Variants in CYB5A observed in about 807,000 individuals in gnomAD.
CYB5A encodes cytochrome b5.
Under a neutral mutation model 16.2 loss-of-function variants are expected in CYB5A, and 10 were observed. That is an observed-to-expected ratio of 0.62 (90% CI 0.38 to 1.04). The LOEUF (loss-of-function observed/expected upper bound fraction) is 1.04, where lower values mean the gene tolerates loss of function less well. Ranked by LOEUF, CYB5A falls within the 50% of genes least tolerant of loss-of-function variation. The probability of loss-of-function intolerance (pLI) is 0.01; values close to 1 mark genes in which losing one functional copy is unlikely to be tolerated. For missense variants in CYB5A, 161 were observed against 165.9 expected, an observed-to-expected ratio of 0.97 and a Z score of 0.16; for synonymous variants, 62 against 57.0, an observed-to-expected ratio of 1.09 and a Z score of -0.40.
In CYB5A at chr18:74,284,650, T is replaced by A. The variant is rs1426608729; in HGVS notation, c.129+7097A>T. On this transcript the variant is annotated intron_variant, in intron 1 of 4. Coordinates refer to ENST00000340533, the MANE Select transcript of CYB5A (RefSeq NM_148923.4). ...ACAGAAGAGTTCAAGTGATTCCATT[T>A]CAGACAGGCTCCCGTGCCCACCAGC... Among the ~76,000 whole-genome samples the A allele has an allele frequency of 3.3e-5, 5 of 152,154 alleles. No homozygotes were observed. In the East Asian group the frequency reaches 7.7e-4, roughly 23 times the overall value.
chr18:74,274,342 T>C (rs1318835736), intron 1 of CYB5A, among the ~76,000 whole-genome samples: 1 of 152,202 alleles, frequency 6.6e-6, no homozygotes, highest in Non-Finnish European at 1.5e-5. Flanking sequence ...TTCCACAGTA[T>C]AAAGGATTTT....
At chr18:74,254,523 CT>C (rs140770769) in intron 4 of CYB5A, among the ~76,000 whole-genome samples, 37,273 of 143,926 alleles carry the variant, frequency 0.26, 4,677 homozygotes, top group South Asian at 0.36. Flanking sequence ...CTATTTGAAT[CT>C]TTTTTTTTTT....
chr18:74,270,509 T>A (rs1982629176), intron 1 of CYB5A, among the ~76,000 whole-genome samples: 1 of 152,158 alleles, frequency 6.6e-6, no homozygotes, highest in African/African-American at 2.4e-5. Flanking sequence ...CTCTCAGTAC[T>A]TGTCACTACC....
intron 1 of CYB5A, among the ~76,000 whole-genome samples, chr18:74,269,175 C>T (rs1363327026): frequency 3.9e-5 from 6 of 152,152 alleles, no homozygotes; most frequent in South Asian, 2.1e-4. Flanking sequence ...ACAGTAATGT[C>T]GGCTCCCAGC....
chr18:74,291,600 C>A, intron 1 of CYB5A, 147 bp downstream of exon 1: 3 of 1,254,752 alleles, frequency 2.4e-6, no homozygotes, highest in Non-Finnish European at 3.4e-6. Flanking sequence ...GAAGCGCGCC[C>A]AGGCGTACAC....
intron 1 of CYB5A, among the ~76,000 whole-genome samples, chr18:74,268,448 G>A (rs1271107767): frequency 1.3e-5 from 2 of 152,068 alleles, no homozygotes; most frequent in African/African-American, 2.4e-5. Flanking sequence ...CTGCTTTTGC[G>A]CCTCTCCAAG....
chr18:74,251,106 G>T lies in CYB5A; in HGVS notation c.*2478C>A, dbSNP rs1380208718. ...AATCACTTGAACCTGGGAGTCGGAG[G>T]TTGCAGTGAGCCAAGATCATACCAC... On this transcript the variant is annotated 3_prime_UTR_variant, in exon 5 of 5. Transcript: ENST00000340533. 3 of 151,294 alleles carry T rather than the reference G, an allele frequency of 2.0e-5. No homozygotes were observed. The highest frequency in any genetic ancestry group is 4.4e-5 in the Non-Finnish European group (3 of 67,996). The allele number at this position is 151,294 out of a possible 1,614,324, so 9.4% of individuals were successfully genotyped here. A position where few individuals can be genotyped will look rare whatever the true frequency, so the allele number is the denominator to read the frequency against.
intron 3 of CYB5A, chr18:74,260,306 C>T (rs1450217162): frequency 6.3e-6 from 1 of 158,696 alleles, no homozygotes; most frequent in Non-Finnish European, 1.4e-5. Context: ...TTAGGCTGTG[C>T]TCTTCCATTC....
At chr18:74,284,757 G>GC (rs1555690791) in intron 1 of CYB5A, among the ~76,000 whole-genome samples, 1 of 151,892 alleles carries the variant, frequency 6.6e-6, no homozygotes, top group Non-Finnish European at 1.5e-5. Flanking sequence ...CTTATCCCTC[G>GC]CCCCCTCCAG....
At chr18:74,254,367 C>T (rs949684653) in intron 4 of CYB5A, among the ~76,000 whole-genome samples, 15 of 137,020 alleles carry the variant, frequency 1.1e-4, no homozygotes, top group Admixed American at 1.6e-4. Flanking sequence ...AATGGCCAGA[C>T]TACTTGGTGT....
chr18:74,257,275 A>T, intron 3 of CYB5A: 1 of 209,674 alleles, frequency 4.8e-6, no homozygotes, highest in Non-Finnish European at 9.7e-6. Context: ...CGCTAAGGTT[A>T]AAACACTACT....
chr18:74,262,977 C>T (rs1408912969), intron 2 of CYB5A, among the ~76,000 whole-genome samples: 3 of 152,040 alleles, frequency 2.0e-5, no homozygotes, highest in Non-Finnish European at 4.4e-5. Context: ...CGGTGAAACC[C>T]CGTCTCTACA....
chr18:74,288,338 C>T (rs1180624431), intron 1 of CYB5A, among the ~76,000 whole-genome samples: 1 of 151,788 alleles, frequency 6.6e-6, no homozygotes, highest in Non-Finnish European at 1.5e-5. Flanking sequence ...AGGGGAAATA[C>T]TCAGCCATGA....
intron 1 of CYB5A, among the ~76,000 whole-genome samples, chr18:74,271,051 C>A (rs1465914802): frequency 6.6e-6 from 1 of 152,194 alleles, no homozygotes; most frequent in Non-Finnish European, 1.5e-5. Context: ...TCCAACTCCT[C>A]CAGTTCATAG....
rs185466930 is a variant in CYB5A at position 74,266,906 on chromosome 18, T to C, written c.130-3429A>G. Among the ~76,000 whole-genome samples the C allele has an allele frequency of 5.9e-5, 9 of 151,472 alleles. No homozygotes were observed. The East Asian group carries it at 1.6e-3, about 26-fold the overall frequency. Reference sequence around the variant, plus strand: ...AAATATTTTCACTCCATCCTAAAGGTCTATCTTAATAATTGGTAGGAAAAT... The same window carrying C: ...AAATATTTTCACTCCATCCTAAAGGCCTATCTTAATAATTGGTAGGAAAAT... On this transcript the variant is annotated intron_variant, in intron 1 of 4. Transcript: ENST00000340533.
intron 1 of CYB5A, 113 bp downstream of exon 1, chr18:74,291,634 G>T: frequency 6.7e-7 from 1 of 1,499,200 alleles, no homozygotes; most frequent in Non-Finnish European, 9.1e-7. Flanking sequence ...AACTCGGGGG[G>T]CGCGCCTAGG....
intron 1 of CYB5A, among the ~76,000 whole-genome samples, chr18:74,282,613 C>T (rs541312077): frequency 7.2e-5 from 11 of 152,294 alleles, no homozygotes; most frequent in South Asian, 2.1e-4. Context: ...AGGCACAAAA[C>T]GGGATGGGAC....
At chr18:74,291,554 G>A (rs1568227626) in intron 1 of CYB5A, among the ~76,000 whole-genome samples, 193 bp downstream of exon 1, 3 of 145,832 alleles carry the variant, frequency 2.1e-5, no homozygotes, top group Non-Finnish European at 4.5e-5. Flanking sequence ...GGCGGTGGGG[G>A]GCGCCCAGGC....
At chr18:74,287,274 A>T (rs1463405616) in intron 1 of CYB5A, among the ~76,000 whole-genome samples, 1 of 152,226 alleles carries the variant, frequency 6.6e-6, no homozygotes, top group African/African-American at 2.4e-5. Flanking sequence ...AATACTATCA[A>T]ATTTTCTTGC....
Sources: allele counts gnomAD v4.1 joint callset (sites outside exome capture counted in the v4.1 genomes callset), GRCh38; gene constraint gnomAD v4.1.1; transcripts MANE v1.5; gene names NCBI Gene and HGNC (gene_info 2026-07-23, HGNC 2026-07-21).